Variants in UGT1A4 observed in about 807,000 individuals in gnomAD.
UGT1A4 encodes UDP glucuronosyltransferase family 1 member A4.
UGT1A4 carries 32 observed loss-of-function variants against 41.1 expected under a neutral mutation model. The ratio of observed to expected loss-of-function variants is 0.78; its 90% CI spans 0.59 to 1.05. UGT1A4 has a LOEUF of 1.05. Ranked by LOEUF, UGT1A4 falls within the 50% of genes least tolerant of loss-of-function variation. The pLI is 0.00. For synonymous variants in UGT1A4, 283 were observed against 265.1 expected (o/e 1.07, Z -0.66); for missense variants, 748 against 677.4 (o/e 1.10, Z -1.16).
chr2:233,755,298 C>T (rs1354075673), intron 1 of UGT1A4: 3 of 620,036 alleles, frequency 4.8e-6, no homozygotes, highest in Non-Finnish European at 7.5e-6. Context: ...CTGCGGGGCA[C>T]TGGCACAGCG....
chr2:233,733,184 C>T (rs531728542), intron 1 of UGT1A4, among the ~76,000 whole-genome samples: 42 of 152,276 alleles, frequency 2.8e-4, no homozygotes, highest in South Asian at 8.3e-4. Context: ...GCTGAAGTTG[C>T]TTATCAGCTT....
Position 233,729,231 on chromosome 2 carries a change from C to G in UGT1A4, c.867+9544C>G, listed in dbSNP as rs777258735. ...AGAGTGGAAAGGTGTTGGTGGTGCC[C>G]ATTGATGGCAGCCACTGGCTCAGCA... On this transcript the variant is annotated intron_variant, in intron 1 of 4. Transcript: ENST00000373409. The G allele has an allele frequency of 2.5e-6, 4 of 1,614,060 alleles. No homozygotes were observed. The African/African-American group carries it at 4.0e-5, about 16-fold the overall frequency.
Position 233,718,866 on chromosome 2 carries a change from C to A in UGT1A4, c.46C>A (p.Leu16Met). The change falls in exon 1 of 5, where the codon CTG (leucine) becomes ATG (methionine). Residue 16 changes from leucine (L) to methionine (M), a missense_variant. Leu to Met is a conservative substitution (Grantham distance 15). Transcript: ENST00000373409. Reference sequence around the variant, plus strand: ...TCCCCTGCCGCGGCTGGCCACAGGACTGCTGCTCCTCCTCAGTGTCCAGCC... The same window carrying A: ...TCCCCTGCCGCGGCTGGCCACAGGAATGCTGCTCCTCCTCAGTGTCCAGCC... ...QVPLPRLATGLLLLLSVQPWA... is the reference protein window; with the variant it reads ...QVPLPRLATGMLLLLSVQPWA... 4.3e-6 allele frequency: 7 copies of A among 1,613,892 alleles called. No individual in the cohort carries two copies. The highest frequency in any genetic ancestry group is 5.9e-6 in the Non-Finnish European group (7 of 1,179,934).
At chr2:233,759,652 C>G (rs35665780) in intron 1 of UGT1A4, among the ~76,000 whole-genome samples, 1 of 121,978 alleles carries the variant, frequency 8.2e-6, no homozygotes, top group East Asian at 2.9e-4. Context: ...TTCACGATTT[C>G]TAAGTTCCTG....
At chr2:233,755,185 T>G (rs1695803868) in intron 1 of UGT1A4, 2 of 1,189,530 alleles carry the variant, frequency 1.7e-6, no homozygotes, top group Non-Finnish European at 2.3e-6. Context: ...GGGTGCCACT[T>G]GAGCGCCAGC....
At chr2:233,759,581 G>A (rs1697180205) in intron 1 of UGT1A4, among the ~76,000 whole-genome samples, 2 of 151,312 alleles carry the variant, frequency 1.3e-5, no homozygotes, top group Admixed American at 6.6e-5. Context: ...CTCTACCCCA[G>A]CACGCCCCCC....
At chr2:233,729,179 T>C (rs200023814) in intron 1 of UGT1A4, 112 of 1,613,806 alleles carry the variant, frequency 6.9e-5, no homozygotes, top group Non-Finnish European at 9.3e-6. Context: ...GGACTGCTGC[T>C]TCTCCTCAGT....
intron 1 of UGT1A4, among the ~76,000 whole-genome samples, chr2:233,731,109 T>G (rs1417583719): frequency 6.6e-6 from 1 of 152,194 alleles, no homozygotes; most frequent in Non-Finnish European, 1.5e-5. Flanking sequence ...TTTTTATAAA[T>G]GTAGGTATTA....
chr2:233,730,701 T>C (rs948528383), intron 1 of UGT1A4, among the ~76,000 whole-genome samples: 9 of 152,052 alleles, frequency 5.9e-5, no homozygotes, highest in African/African-American at 2.2e-4. Flanking sequence ...ATTCTTCTAC[T>C]TGGAATGCTG....
At chr2:233,724,466 G>A (rs1369027656) in intron 1 of UGT1A4, among the ~76,000 whole-genome samples, 1 of 77,178 alleles carries the variant, frequency 1.3e-5, no homozygotes, top group African/African-American at 4.9e-5. Context: ...GGGCGGAGGG[G>A]CTCCTCACTT....
At chr2:233,771,760 C>T (rs1700368197) in intron 4 of UGT1A4, 1 of 153,596 alleles carries the variant, frequency 6.5e-6, no homozygotes, top group Non-Finnish European at 1.4e-5. Context: ...CCCTTCCTTC[C>T]TCCGTCCCTC....
intron 3 of UGT1A4, 24 bp downstream of exon 3, chr2:233,767,960 T>G (rs769330196): frequency 1.2e-6 from 2 of 1,614,082 alleles, no homozygotes; most frequent in Admixed American, 3.3e-5. Context: ...ATTGGATGTA[T>G]AGGTCAAACC....
chr2:233,729,858 A>G (rs1450945508), intron 1 of UGT1A4: 1 of 1,613,820 alleles, frequency 6.2e-7, no homozygotes. Context: ...GAGAGGTGTC[A>G]GTGGTGGATA....
intron 1 of UGT1A4, chr2:233,743,951 A>G (rs1692602468): frequency 1.4e-5 from 19 of 1,344,342 alleles, no homozygotes; most frequent in Non-Finnish European, 1.9e-5. Context: ...AGGCACTGGC[A>G]CAGCGAGCGG....
At chr2:233,728,033 A>T (rs1286905135) in intron 1 of UGT1A4, among the ~76,000 whole-genome samples, 1 of 152,230 alleles carries the variant, frequency 6.6e-6, no homozygotes, top group African/African-American at 2.4e-5. Context: ...TTTCTGGAGT[A>T]GGATAAGCCT....
chr2:233,738,398 A>G (rs1690780293), intron 1 of UGT1A4, among the ~76,000 whole-genome samples: 1 of 152,236 alleles, frequency 6.6e-6, no homozygotes, highest in African/African-American at 2.4e-5. Context: ...AGTGACTTGG[A>G]ACTGGGTAAC....
chr2:233,720,006 T>C (rs1403033451), intron 1 of UGT1A4, among the ~76,000 whole-genome samples: 1 of 152,190 alleles, frequency 6.6e-6, no homozygotes, highest in Non-Finnish European at 1.5e-5. Context: ...CATTCAGAAC[T>C]GATCCATCCT....
In UGT1A4 at chr2:233,731,080, T is replaced by C. The variant is rs548797519; in HGVS notation, c.867+11393T>C. Among the ~76,000 whole-genome samples, 7 of 152,364 alleles carry C rather than the reference T, an allele frequency of 4.6e-5. No individual in the cohort carries two copies. In the South Asian group the frequency reaches 1.2e-3, roughly 27 times the overall value. ...AACTTCCATGATTTAGATCCTTTTG[T>C]ATTCTTATTTCTGTGCCTTTTTTAT... On this transcript the variant is annotated intron_variant, in intron 1 of 4. Coordinates refer to ENST00000373409, the MANE Select transcript of UGT1A4 (RefSeq NM_007120.3).
At chr2:233,760,969 TC>T in intron 1 of UGT1A4, 1 of 1,614,196 alleles carries the variant, frequency 6.2e-7, no homozygotes, top group Admixed American at 1.7e-5. Context: ...CGTGGTTTAT[TC>T]CCCGTATGCA....
Sources: allele counts gnomAD v4.1 joint callset (sites outside exome capture counted in the v4.1 genomes callset), GRCh38; gene constraint gnomAD v4.1.1; transcripts MANE v1.5; gene names NCBI Gene and HGNC (gene_info 2026-07-23, HGNC 2026-07-21).